Variants in CDK14 observed in about 807,000 individuals in gnomAD.
CDK14 encodes cyclin-dependent kinase 14.
Under a neutral mutation model 60.7 loss-of-function variants are expected in CDK14, and 34 were observed. That is an observed-to-expected ratio of 0.56 (90% CI 0.43 to 0.75). The LOEUF (loss-of-function observed/expected upper bound fraction) is 0.75, where lower values mean the gene tolerates loss of function less well. Ranked by LOEUF, CDK14 falls within the 30% of genes least tolerant of loss-of-function variation. The pLI, the probability that CDK14 is intolerant of heterozygous loss-of-function variation, is 0.00. For missense variants in CDK14, 482 were observed against 564.1 expected (o/e 0.85, Z 1.47); for synonymous variants, 197 against 203.7 (o/e 0.97, Z 0.28).
chr7:90,901,049 A>G lies in CDK14; in HGVS notation c.702+1696A>G, dbSNP rs1792489529. ...CTTATCTCCTAATGGTCATGGAGAA[A>G]TGGGTCTCAAGGTTACTGTTTCTCA... On this transcript the variant is annotated intron_variant, in intron 7 of 14. Transcript: ENST00000380050. 3.3e-5 allele frequency among the ~76,000 whole-genome samples: 5 copies of G among 152,124 alleles called. No individual in the cohort carries two copies. In the South Asian group the frequency reaches 1.0e-3, roughly 32 times the overall value.
At chr7:90,935,663 A>T (rs762164479) in intron 8 of CDK14, among the ~76,000 whole-genome samples, 1 of 152,176 alleles carries the variant, frequency 6.6e-6, no homozygotes, top group Non-Finnish European at 1.5e-5. Context: ...TTTCACTAAT[A>T]TATCTATTAG....
intron 6 of CDK14, among the ~76,000 whole-genome samples, chr7:90,890,621 A>G (rs1792088831): frequency 2.0e-5 from 3 of 152,240 alleles, no homozygotes; most frequent in South Asian, 2.1e-4. Flanking sequence ...ACTGTAAAGC[A>G]TAACAGGGAA....
intron 2 of CDK14, among the ~76,000 whole-genome samples, chr7:90,683,899 T>C (rs1584791736): frequency 2.7e-5 from 2 of 74,256 alleles, no homozygotes; most frequent in African/African-American, 1.2e-4. Context: ...AAAATGTACG[T>C]GTGTGTGTGT....
intron 8 of CDK14, among the ~76,000 whole-genome samples, chr7:90,919,875 T>C (rs1356132764): frequency 6.6e-6 from 1 of 152,216 alleles, no homozygotes; most frequent in East Asian, 1.9e-4. Context: ...GCAATTGCAA[T>C]GTTGAGTGTT....
At chr7:90,887,230 T>C (rs954591202) in intron 6 of CDK14, among the ~76,000 whole-genome samples, 2 of 152,230 alleles carry the variant, frequency 1.3e-5, no homozygotes, top group South Asian at 4.1e-4. Context: ...GTAGGTAATT[T>C]GAATTTTTAA....
chr7:90,788,843 G>T (rs571815021), intron 4 of CDK14, among the ~76,000 whole-genome samples: 18 of 152,184 alleles, frequency 1.2e-4, no homozygotes, highest in African/African-American at 4.1e-4. Flanking sequence ...GAGATTTTTG[G>T]TAGCCATTTA....
chr7:91,080,320 C>G (rs1798450549), intron 12 of CDK14, among the ~76,000 whole-genome samples: 1 of 152,230 alleles, frequency 6.6e-6, no homozygotes, highest in Admixed American at 6.5e-5. Context: ...TATTAAAATG[C>G]TGCTAATCCG....
intron 14 of CDK14, among the ~76,000 whole-genome samples, chr7:91,133,396 A>G (rs1800174520): frequency 1.3e-5 from 2 of 152,178 alleles, no homozygotes; most frequent in South Asian, 4.1e-4. Flanking sequence ...AATTATGATA[A>G]CAATGAAAAA....
At chr7:90,692,555 C>A in intron 2 of CDK14, 1 of 237,968 alleles carries the variant, frequency 4.2e-6, no homozygotes, top group Non-Finnish European at 6.8e-6. Flanking sequence ...CATTTACATG[C>A]CACGTTTGTT....
intron 12 of CDK14, among the ~76,000 whole-genome samples, chr7:91,091,516 T>TATATAA (rs1297777867): frequency 7.1e-6 from 1 of 141,064 alleles, no homozygotes; most frequent in African/African-American, 2.7e-5. Context: ...TATATATATA[T>TATATAA]AAATTAGCCA....
At chr7:90,752,607 A>G (rs978441784) in intron 4 of CDK14, among the ~76,000 whole-genome samples, 3 of 152,190 alleles carry the variant, frequency 2.0e-5, no homozygotes, top group Non-Finnish European at 4.4e-5. Flanking sequence ...GGAACTAGAA[A>G]AACAAGAACA....
chr7:90,746,445 A>G (rs905714609), intron 3 of CDK14, among the ~76,000 whole-genome samples: 14 of 152,216 alleles, frequency 9.2e-5, no homozygotes, highest in Non-Finnish European at 1.2e-4. Flanking sequence ...CTTGAAGAAT[A>G]CAAGTTCTAA....
chr7:91,010,755 T>TC (rs1490774263), intron 10 of CDK14, among the ~76,000 whole-genome samples: 1 of 149,588 alleles, frequency 6.7e-6, no homozygotes, highest in Non-Finnish European at 1.5e-5. Context: ...TTTCCTTCCT[T>TC]CTTTCTTTCC....
intron 10 of CDK14, among the ~76,000 whole-genome samples, chr7:91,022,743 T>C (rs2115882461): frequency 6.6e-6 from 1 of 152,356 alleles, no homozygotes; most frequent in African/African-American, 2.4e-5. Flanking sequence ...AGCAGCTTTT[T>C]TTTTCATTTG....
intron 5 of CDK14, among the ~76,000 whole-genome samples, chr7:90,794,248 A>G (rs993926441): frequency 1.3e-5 from 2 of 152,194 alleles, no homozygotes; most frequent in Non-Finnish European, 2.9e-5. Flanking sequence ...GGGCGAGATC[A>G]CAGGACCGGG....
At chr7:91,138,936 T>C (rs762744061) in intron 14 of CDK14, among the ~76,000 whole-genome samples, 1 of 152,212 alleles carries the variant, frequency 6.6e-6, no homozygotes, top group African/African-American at 2.4e-5. Flanking sequence ...CTTTCCCTGC[T>C]TCTCTAGTCC....
chr7:90,980,405 T>C (rs1795199281), intron 9 of CDK14, among the ~76,000 whole-genome samples: 1 of 152,202 alleles, frequency 6.6e-6, no homozygotes, highest in African/African-American at 2.4e-5. Flanking sequence ...ATTATAGTGC[T>C]TAAGCAGATG....
chr7:90,835,111 C>G (rs1264715882), intron 5 of CDK14, among the ~76,000 whole-genome samples: 1 of 151,922 alleles, frequency 6.6e-6, no homozygotes, highest in Non-Finnish European at 1.5e-5. Context: ...AAGATAAAGG[C>G]ATTGAAAAAG....
At chr7:90,879,628 A>G (rs1791676097) in intron 6 of CDK14, among the ~76,000 whole-genome samples, 6 of 152,136 alleles carry the variant, frequency 3.9e-5, no homozygotes, top group Admixed American at 3.9e-4. Context: ...TGAGGCCTCT[A>G]TTCTGTTCCT....
Sources: gnomAD v4.1 joint callset for allele counts (sites outside exome capture counted in the v4.1 genomes callset) on GRCh38, gnomAD v4.1.1 for gene constraint, MANE v1.5 for transcripts, NCBI Gene and HGNC (gene_info 2026-07-23, HGNC 2026-07-21) for gene names.